The following PDGFRL variants were observed in gnomAD, a reference collection of about 807,000 sequenced individuals.
PDGFRL encodes the protein platelet derived growth factor receptor like, also known as platelet-derived growth factor receptor-like protein.
A neutral mutation model predicts 37.2 loss-of-function variants in PDGFRL; 46 were observed. The observed-to-expected ratio is 1.24, with a 90% CI of 0.98 to 1.58. The LOEUF (loss-of-function observed/expected upper bound fraction) is 1.58, where lower values mean the gene tolerates loss of function less well. Among genes scored for constraint, PDGFRL ranks in the 40% most tolerant of loss-of-function variants. The pLI, the probability that PDGFRL is intolerant of heterozygous loss-of-function variation, is 0.00. For missense variants in PDGFRL, 692 were observed against 467.6 expected (o/e 1.48, Z -4.43); for synonymous variants, 251 against 184.3 (o/e 1.36, Z -2.93).
At chr8:17,635,283 C>G (rs1351910890) in intron 5 of PDGFRL, among the ~76,000 whole-genome samples, 1 of 151,762 alleles carries the variant, frequency 6.6e-6, no homozygotes, top group Non-Finnish European at 1.5e-5. Flanking sequence ...TATCTCTCAC[C>G]CCTCCCCCCA....
intron 5 of PDGFRL, among the ~76,000 whole-genome samples, chr8:17,635,088 C>G (rs1396968411): frequency 6.6e-6 from 1 of 152,192 alleles, no homozygotes; most frequent in East Asian, 1.9e-4. Flanking sequence ...AGAGTCTAAT[C>G]TAACCTCCTC....
At chr8:17,585,464 C>T (rs1803796127) in intron 1 of PDGFRL, among the ~76,000 whole-genome samples, 1 of 152,128 alleles carries the variant, frequency 6.6e-6, no homozygotes, top group Admixed American at 6.5e-5. Flanking sequence ...CTACATTTTC[C>T]TCTCCATAGT....
chr8:17,593,888 CA>C (rs376718770), intron 2 of PDGFRL, among the ~76,000 whole-genome samples: 14 of 145,430 alleles, frequency 9.6e-5, no homozygotes, highest in Admixed American at 2.0e-4. Context: ...AACTCCATCT[CA>C]AAAAAAAAAA....
intron 4 of PDGFRL, among the ~76,000 whole-genome samples, chr8:17,630,162 G>A (rs377763655): frequency 6.6e-6 from 1 of 152,100 alleles, no homozygotes; most frequent in Non-Finnish European, 1.5e-5. Flanking sequence ...ATTTTGTCCC[G>A]TCTTTCTTCT....
At chr8:17,625,034 C>T (rs1354362129) in intron 3 of PDGFRL, among the ~76,000 whole-genome samples, 3 of 151,846 alleles carry the variant, frequency 2.0e-5, no homozygotes, top group African/African-American at 7.3e-5. Context: ...TACATGTGCA[C>T]AATGTGCAGG....
intron 5 of PDGFRL, among the ~76,000 whole-genome samples, chr8:17,636,599 TTC>T (rs1804975146): frequency 6.6e-6 from 1 of 151,272 alleles, no homozygotes; most frequent in African/African-American, 2.4e-5. Context: ...GCTCTGCAGA[TTC>T]TTTTTTGGTT....
chr8:17,612,124 T>C (rs1431713813), intron 2 of PDGFRL, among the ~76,000 whole-genome samples: 2 of 152,056 alleles, frequency 1.3e-5, no homozygotes, highest in African/African-American at 2.4e-5. Context: ...CAGAACAAAA[T>C]AATACACAGT....
chr8:17,611,057 C>G (rs1255685152), intron 2 of PDGFRL, among the ~76,000 whole-genome samples: 1 of 152,210 alleles, frequency 6.6e-6, no homozygotes, highest in Non-Finnish European at 1.5e-5. Flanking sequence ...AAACAGTCAA[C>G]TCATGTTTCT....
intron 2 of PDGFRL, among the ~76,000 whole-genome samples, chr8:17,611,878 G>C (rs2588116): frequency 1.3e-5 from 2 of 152,078 alleles, no homozygotes; most frequent in East Asian, 1.9e-4. Context: ...AGTCAATGGT[G>C]ATAGCAGCCT....
intron 4 of PDGFRL, among the ~76,000 whole-genome samples, chr8:17,629,567 C>T (rs1026243969): frequency 1.3e-5 from 2 of 152,166 alleles, no homozygotes; most frequent in African/African-American, 4.8e-5. Context: ...TTTGGGGGCT[C>T]TACCAGCATT....
intron 2 of PDGFRL, among the ~76,000 whole-genome samples, chr8:17,619,458 TAAGG>T (rs761464613): frequency 6.6e-6 from 1 of 152,032 alleles, no homozygotes; most frequent in African/African-American, 2.4e-5. Flanking sequence ...ATACAAAAGA[TAAGG>T]AAGAAAAATA....
chr8:17,586,071 C>T (rs147777568), intron 1 of PDGFRL, among the ~76,000 whole-genome samples: 4,347 of 152,280 alleles, frequency 0.029, 132 homozygotes, highest in Middle Eastern at 0.13. Flanking sequence ...CATGCCTCAG[C>T]CTCCCAAGTA....
intron 2 of PDGFRL, among the ~76,000 whole-genome samples, chr8:17,592,717 G>A (rs28441421): frequency 0.25 from 37,562 of 151,942 alleles, 4,691 homozygotes; most frequent in South Asian, 0.29. Context: ...CCCATGGCAG[G>A]CCCCCCCAGC....
At chr8:17,615,984 G>C (rs1585321480) in intron 2 of PDGFRL, among the ~76,000 whole-genome samples, 3 of 152,152 alleles carry the variant, frequency 2.0e-5, no homozygotes, top group Admixed American at 2.0e-4. Context: ...TGTTTACGGA[G>C]CTTGGCAGCG....
chr8:17,604,636 A>C (rs1370208174), intron 2 of PDGFRL, among the ~76,000 whole-genome samples: 1 of 152,156 alleles, frequency 6.6e-6, no homozygotes, highest in African/African-American at 2.4e-5. Flanking sequence ...CCTAATGCTA[A>C]ATGACGAGTT....
chr8:17,582,961 C>G (rs1007709613), intron 1 of PDGFRL, among the ~76,000 whole-genome samples: 66 of 152,126 alleles, frequency 4.3e-4, no homozygotes, highest in Admixed American at 1.2e-3. Flanking sequence ...CCAGCTCTAG[C>G]CTTCACTTAA....
chr8:17,642,291 C>G (rs535698776), intron 5 of PDGFRL, among the ~76,000 whole-genome samples: 1 of 152,154 alleles, frequency 6.6e-6, no homozygotes, highest in Non-Finnish European at 1.5e-5. Context: ...AAAATTTTGT[C>G]CCTGCTTATG....
At chr8:17,605,279 T>C (rs1264499189) in intron 2 of PDGFRL, among the ~76,000 whole-genome samples, 1 of 152,198 alleles carries the variant, frequency 6.6e-6, no homozygotes, top group African/African-American at 2.4e-5. Flanking sequence ...GTTGCCTCCA[T>C]CCTTCCTCCC....
intron 2 of PDGFRL, among the ~76,000 whole-genome samples, chr8:17,596,965 T>C (rs2246480): frequency 0.14 from 22,041 of 152,124 alleles, 4,277 homozygotes; most frequent in African/African-American, 0.43. Flanking sequence ...GCTATGACAG[T>C]GTTGGGTTTG....
Sources: allele counts gnomAD v4.1 joint callset (sites outside exome capture counted in the v4.1 genomes callset), GRCh38; gene constraint gnomAD v4.1.1; transcripts MANE v1.5; gene names NCBI Gene and HGNC (gene_info 2026-07-23, HGNC 2026-07-21).